ATXN2: variants seen among roughly 807,000 people sequenced by gnomAD.
ATXN2 encodes the protein ataxin-2.
Under a neutral mutation model 138.6 loss-of-function variants are expected in ATXN2, and 37 were observed. The observed-to-expected ratio is 0.27, with a 90% CI of 0.21 to 0.35. The LOEUF (loss-of-function observed/expected upper bound fraction) is 0.35, where lower values mean the gene tolerates loss of function less well. Ranked by LOEUF, ATXN2 falls within the 10% of genes least tolerant of loss-of-function variation. The pLI is 1.00. For missense variants in ATXN2, 1,216 were observed against 1,480.3 expected, an observed-to-expected ratio of 0.82 and a Z score of 2.93; for synonymous variants, 549 against 543.7, an observed-to-expected ratio of 1.01 and a Z score of -0.13.
intron 14 of ATXN2, among the ~76,000 whole-genome samples, chr12:111,498,182 C>T (rs957070434): frequency 1.2e-4 from 19 of 152,112 alleles, no homozygotes; most frequent in African/African-American, 4.6e-4. Context: ...CCCACTTTCA[C>T]CATTGTTATT....
intron 18 of ATXN2, among the ~76,000 whole-genome samples, chr12:111,478,331 G>A (rs1876972418): frequency 6.6e-6 from 1 of 152,072 alleles, no homozygotes; most frequent in Non-Finnish European, 1.5e-5. Context: ...GCTTGAACCT[G>A]GGAGGCGGAG....
intron 18 of ATXN2, among the ~76,000 whole-genome samples, chr12:111,477,267 C>T (rs1321967326): frequency 4.0e-5 from 6 of 151,430 alleles, no homozygotes; most frequent in African/African-American, 1.2e-4. Context: ...GAGGCAGAAT[C>T]GCTTGACCCT....
At chr12:111,561,907 G>A (rs1882710006) in intron 1 of ATXN2, among the ~76,000 whole-genome samples, 1 of 151,596 alleles carries the variant, frequency 6.6e-6, no homozygotes, top group Admixed American at 6.6e-5. Flanking sequence ...CACCTCCTGG[G>A]TTCAAGCAAT....
chr12:111,521,102 G>C, intron 6 of ATXN2, 129 bp from the exon 7 acceptor site: 1 of 621,270 alleles, frequency 1.6e-6, no homozygotes, highest in Non-Finnish European at 2.7e-6. Flanking sequence ...TAGAAAATAG[G>C]AAAAAATTTC....
intron 7 of ATXN2, among the ~76,000 whole-genome samples, chr12:111,520,488 T>C (rs1301967429): frequency 6.6e-6 from 1 of 152,018 alleles, no homozygotes; most frequent in Non-Finnish European, 1.5e-5. Flanking sequence ...CCGTCTCTAC[T>C]AAAAATACAG....
intron 1 of ATXN2, among the ~76,000 whole-genome samples, chr12:111,559,227 G>C (rs531313548): frequency 5.9e-4 from 89 of 150,888 alleles, no homozygotes; most frequent in African/African-American, 2.1e-3. Flanking sequence ...CCGCCTCCCA[G>C]GTAGCTAGGA....
At chr12:111,544,600 T>C (rs1881705129) in intron 5 of ATXN2, among the ~76,000 whole-genome samples, 2 of 152,100 alleles carry the variant, frequency 1.3e-5, no homozygotes, top group Admixed American at 1.3e-4. Flanking sequence ...GCTGGCAGTG[T>C]GTGTCATGTG....
intron 5 of ATXN2, among the ~76,000 whole-genome samples, chr12:111,543,259 A>ACTGTTTG (rs1881626092): frequency 6.6e-6 from 1 of 152,138 alleles, no homozygotes; most frequent in African/African-American, 2.4e-5. Context: ...TTCAGAAGAG[A>ACTGTTTG]TCCCTGTTTG....
intron 21 of ATXN2, among the ~76,000 whole-genome samples, chr12:111,464,024 A>C (rs1875788760): frequency 6.6e-6 from 1 of 151,506 alleles, no homozygotes; most frequent in Non-Finnish European, 1.5e-5. Flanking sequence ...CTGACCTCAG[A>C]TGATCCACCC....
At chr12:111,541,918 C>T (rs1204324601) in intron 5 of ATXN2, among the ~76,000 whole-genome samples, 1 of 147,758 alleles carries the variant, frequency 6.8e-6, no homozygotes, top group Non-Finnish European at 1.5e-5. Flanking sequence ...CTGGTACCTG[C>T]CACCATGTCC....
Position 111,599,039 on chromosome 12 carries a change from A to T in ATXN2, c.-5T>A. ...CTGCTGGGGCTTCAGCGACATGGTG[A>T]GGGGCCCATACACCGGCTCGCACGC... On this transcript the variant is annotated 5_prime_UTR_variant, in exon 1 of 25. Transcript: ENST00000673436. 6.7e-7 allele frequency: 1 copy of T among 1,487,668 alleles called. No homozygotes were observed. The highest frequency in any genetic ancestry group is 1.3e-5 in the South Asian group (1 of 79,366). 92.2% of individuals were successfully genotyped at this position (1,487,668 alleles called of 1,614,324 possible).
intron 5 of ATXN2, among the ~76,000 whole-genome samples, chr12:111,530,177 A>G (rs1880736228): frequency 2.0e-5 from 3 of 152,296 alleles, no homozygotes; most frequent in South Asian, 4.2e-4. Context: ...CAGTGGGACT[A>G]TTTAGTCATT....
intron 9 of ATXN2, 83 bp downstream of exon 9, chr12:111,518,166 G>T: frequency 8.1e-7 from 1 of 1,239,816 alleles, no homozygotes; most frequent in Non-Finnish European, 1.1e-6. Flanking sequence ...ATTCATATCA[G>T]TTATGTAAAC....
In ATXN2 at chr12:111,598,541, T is replaced by TTCCCAG; in HGVS notation, c.251+242_251+243insCTGGGA. The TTCCCAG allele has an allele frequency of 1.0e-6, 1 of 984,946 alleles. No homozygotes were observed. The highest frequency in any genetic ancestry group is 4.7e-5 in the South Asian group (1 of 21,266). The allele number at this position is 984,946 out of a possible 1,614,324, so 61.0% of individuals were successfully genotyped here. A position where few individuals can be genotyped will look rare whatever the true frequency, so the allele number is the denominator to read the frequency against. ...GGGAGGCCGCCCGCTCCCTCCATCT[T>TTCCCAG]GACCGCCGGGGGAGGGGGCGGGGAT... On this transcript the variant is annotated intron_variant, in intron 1 of 24. Coordinates refer to ENST00000673436, the MANE Select transcript of ATXN2 (RefSeq NM_001372574.1). The surrounding 1 kb of genome is among the most constrained non-coding windows in gnomAD (Gnocchi z 4.5).
chr12:111,495,266 C>T (rs143423998), intron 14 of ATXN2, among the ~76,000 whole-genome samples: 292 of 149,038 alleles, frequency 2.0e-3, no homozygotes, highest in Middle Eastern at 0.014. Context: ...TGAGATAGCG[C>T]CATTGCCCTC....
At chr12:111,504,267 G>C (rs765232732) in intron 14 of ATXN2, among the ~76,000 whole-genome samples, 9 of 152,154 alleles carry the variant, frequency 5.9e-5, no homozygotes, top group Middle Eastern at 6.3e-3. Context: ...CTTCCAACAA[G>C]CATGTGAAGA....
intron 18 of ATXN2, chr12:111,482,722 A>C (rs182240255): frequency 1.3e-5 from 2 of 152,122 alleles, no homozygotes; most frequent in East Asian, 1.9e-4. Flanking sequence ...AAAAAAAAAA[A>C]CCCACTTTCT....
At chr12:111,573,208 T>A (rs1883440080) in intron 1 of ATXN2, among the ~76,000 whole-genome samples, 2 of 152,112 alleles carry the variant, frequency 1.3e-5, no homozygotes, top group Non-Finnish European at 2.9e-5. Flanking sequence ...TTATTTATTT[T>A]TTGAGACGGA....
At chr12:111,455,036 T>C (rs1432626392) in intron 23 of ATXN2, 2 of 702,972 alleles carry the variant, frequency 2.8e-6, no homozygotes, top group Non-Finnish European at 5.2e-6. Context: ...GCTGTGGAAC[T>C]CTACTTACAA....
Sources: gnomAD v4.1 joint callset for allele counts (sites outside exome capture counted in the v4.1 genomes callset) on GRCh38, gnomAD v4.1.1 for gene constraint, Gnocchi (gnomAD v3.1) non-coding constraint, MANE v1.5 for transcripts, NCBI Gene and HGNC (gene_info 2026-07-23, HGNC 2026-07-21) for gene names.